IQUB: variants seen among roughly 807,000 people sequenced by gnomAD.
IQUB encodes IQ motif and ubiquitin-like domain-containing protein.
IQUB carries 86 observed loss-of-function variants against 86.4 expected under a neutral mutation model. The observed-to-expected ratio is 1.00, with a 90% CI of 0.84 to 1.19. The LOEUF is 1.19. IQUB is among the 50% of genes most tolerant of loss of function. The probability of loss-of-function intolerance (pLI) is 0.00; values close to 1 mark genes in which losing one functional copy is unlikely to be tolerated. For synonymous variants in IQUB, 289 were observed against 304.5 expected, an observed-to-expected ratio of 0.95 and a Z score of 0.53; for missense variants, 946 against 916.9, an observed-to-expected ratio of 1.03 and a Z score of -0.41.
chr7:123,516,206 G>A (rs1464018059), intron 1 of IQUB, among the ~76,000 whole-genome samples: 1 of 152,232 alleles, frequency 6.6e-6, no homozygotes, highest in East Asian at 1.9e-4. Context: ...CGACGAGGCA[G>A]GGAAAAAGAA....
At chr7:123,462,355 A>AT (rs1421981175) in intron 10 of IQUB, among the ~76,000 whole-genome samples, 2 of 151,708 alleles carry the variant, frequency 1.3e-5, no homozygotes, top group Non-Finnish European at 3.0e-5. Context: ...TGTTCTATAA[A>AT]TTTTTTCTCT....
At chr7:123,482,042 A>C (rs2117087543) in intron 7 of IQUB, among the ~76,000 whole-genome samples, 1 of 152,140 alleles carries the variant, frequency 6.6e-6, no homozygotes, top group East Asian at 1.9e-4. Context: ...ACAAAAAAGA[A>C]AGCAGAAATA....
At chr7:123,493,514 T>C (rs983122603) in intron 7 of IQUB, among the ~76,000 whole-genome samples, 1 of 152,114 alleles carries the variant, frequency 6.6e-6, no homozygotes, top group Admixed American at 6.6e-5. Flanking sequence ...TAAGGCAGGG[T>C]GATAGCACCC....
chr7:123,475,574 G>A (rs1253944944), intron 8 of IQUB, among the ~76,000 whole-genome samples: 2 of 152,006 alleles, frequency 1.3e-5, no homozygotes, highest in African/African-American at 4.8e-5. Context: ...GACTGGGGTA[G>A]GGAATGTTCT....
At chr7:123,484,292 A>G (rs937748506) in intron 7 of IQUB, among the ~76,000 whole-genome samples, 4 of 152,092 alleles carry the variant, frequency 2.6e-5, no homozygotes, top group Non-Finnish European at 5.9e-5. Context: ...ATGATTGATG[A>G]GTTTGTTATT....
At chr7:123,531,380 G>A (rs928269366) in intron 1 of IQUB, among the ~76,000 whole-genome samples, 1 of 152,052 alleles carries the variant, frequency 6.6e-6, no homozygotes, top group African/African-American at 2.4e-5. Flanking sequence ...CCTAGGTACT[G>A]CTTGGAGGCA....
chr7:123,506,135 C>A (rs1447615140), intron 3 of IQUB, among the ~76,000 whole-genome samples: 1 of 152,226 alleles, frequency 6.6e-6, no homozygotes, highest in Non-Finnish European at 1.5e-5. Flanking sequence ...ACTCCAGTTC[C>A]CAATGAGTTC....
At chr7:123,507,823 G>T (rs1796249730) in intron 3 of IQUB, among the ~76,000 whole-genome samples, 1 of 150,070 alleles carries the variant, frequency 6.7e-6, no homozygotes, top group Non-Finnish European at 1.5e-5. Context: ...CAGTGAGCGA[G>T]ATCGTGACAC....
At chr7:123,506,242 C>T (rs112698887) in intron 3 of IQUB, among the ~76,000 whole-genome samples, 3,287 of 152,264 alleles carry the variant, frequency 0.022, 118 homozygotes, top group African/African-American at 0.069. Context: ...TAGGAAGCTC[C>T]AAACTTTCCC....
chr7:123,500,812 T>C (rs1025215159), intron 6 of IQUB, among the ~76,000 whole-genome samples: 2 of 152,076 alleles, frequency 1.3e-5, no homozygotes, highest in African/African-American at 4.8e-5. Flanking sequence ...CACTTTTCCA[T>C]CTGCTTTAAA....
At chr7:123,526,715 T>C (rs928741980) in intron 1 of IQUB, among the ~76,000 whole-genome samples, 6 of 151,672 alleles carry the variant, frequency 4.0e-5, no homozygotes, top group African/African-American at 1.5e-4. Flanking sequence ...GTTAATATTG[T>C]TATGTGTGAA....
At chr7:123,455,914 T>C (rs116555378) in intron 12 of IQUB, among the ~76,000 whole-genome samples, 1,962 of 152,182 alleles carry the variant, frequency 0.013, 31 homozygotes, top group African/African-American at 0.044. Flanking sequence ...TTAACGAAAG[T>C]GTTTTTCCAC....
chr7:123,459,577 G>C (rs1487542681), intron 11 of IQUB: 2 of 151,964 alleles, frequency 1.3e-5, no homozygotes, highest in Non-Finnish European at 2.9e-5. Flanking sequence ...AGCTGTTTAG[G>C]TTTTAGACTT....
At chr7:123,520,650 A>T (rs1796859921) in intron 1 of IQUB, among the ~76,000 whole-genome samples, 1 of 152,134 alleles carries the variant, frequency 6.6e-6, no homozygotes, top group Non-Finnish European at 1.5e-5. Context: ...GAGCAATAGA[A>T]GATGAAGCTA....
Position 123,503,835 on chromosome 7 carries a change from ATAGGAAGAG to A in IQUB, c.533-481_533-473del, listed in dbSNP as rs1796057596. Among the ~76,000 whole-genome samples the A allele has an allele frequency of 3.3e-5, 5 of 152,162 alleles. No homozygotes were observed. The South Asian group carries it at 1.0e-3, about 32-fold the overall frequency. ...TGATGTTAGTACAAAAAACTCCATA[ATAGGAAGAG>A]TTTTAGTGGCATTCTTGAGAAGGAA... On this transcript the variant is annotated intron_variant, in intron 3 of 12. Coordinates refer to ENST00000324698, the MANE Select transcript of IQUB (RefSeq NM_178827.5).
intron 1 of IQUB, among the ~76,000 whole-genome samples, chr7:123,529,503 T>C (rs1356020044): frequency 2.0e-5 from 3 of 151,178 alleles, no homozygotes; most frequent in Non-Finnish European, 4.4e-5. Flanking sequence ...AATAGGATAA[T>C]TTATTTTTTA....
chr7:123,452,725 C>CAAAT lies in IQUB; in HGVS notation c.*14_*17dup. The CAAAT allele has an allele frequency of 2.5e-6, 4 of 1,590,340 alleles. No homozygotes were observed. The highest frequency in any genetic ancestry group is 2.6e-6 in the Non-Finnish European group (3 of 1,163,906). On this transcript the variant is annotated 3_prime_UTR_variant, in exon 13 of 13. Coordinates refer to ENST00000324698, the MANE Select transcript of IQUB (RefSeq NM_178827.5). ...AGTGAACAAAATGCCGATCATCAAA[C>CAAAT]AAATACTCCTGGATCACCTAATGAG...
chr7:123,478,072 T>C (rs1175496299), intron 8 of IQUB, among the ~76,000 whole-genome samples: 2 of 152,084 alleles, frequency 1.3e-5, no homozygotes, highest in African/African-American at 4.8e-5. Context: ...CCATTTGACT[T>C]AGTGATCCCA....
chr7:123,527,924 C>T lies in IQUB; in HGVS notation c.-5+6568G>A, dbSNP rs10277604. Reference sequence around the variant, plus strand: ...CGCCCCTCCCCCAGCCTCGCTGCCGCCTTGCAGTTTGATCTCAGACTGCTG... The same window carrying T: ...CGCCCCTCCCCCAGCCTCGCTGCCGTCTTGCAGTTTGATCTCAGACTGCTG... On this transcript the variant is annotated intron_variant, in intron 1 of 12. Transcript: ENST00000324698. 4.8e-3 allele frequency among the ~76,000 whole-genome samples: 731 copies of T among 152,366 alleles called. 4 individuals are homozygous for T. Among genetic ancestry groups the T allele is most frequent in the African/African-American group, 0.017 (687 of 41,596 alleles).
Sources: allele counts gnomAD v4.1 joint callset (sites outside exome capture counted in the v4.1 genomes callset), GRCh38; gene constraint gnomAD v4.1.1; transcripts MANE v1.5; gene names NCBI Gene and HGNC (gene_info 2026-07-23, HGNC 2026-07-21).